The following HMCN1 variants were observed in gnomAD, a reference collection of about 807,000 sequenced individuals.
HMCN1 encodes the protein hemicentin-1.
In HMCN1, 321 loss-of-function variants were observed where a neutral mutation model predicts 625.9. The ratio of observed to expected loss-of-function variants is 0.51; its 90% CI spans 0.47 to 0.56. HMCN1 has a LOEUF of 0.56. Ranked by LOEUF, HMCN1 falls within the 20% of genes least tolerant of loss-of-function variation. The probability of loss-of-function intolerance (pLI) is 0.00; values close to 1 mark genes in which losing one functional copy is unlikely to be tolerated. For missense variants in HMCN1, 6,588 were observed against 6,887.3 expected (o/e 0.96, Z 1.54); for synonymous variants, 2,425 against 2,417.6 (o/e 1.00, Z -0.09).
chr1:185,840,996 A>T (rs759705167), intron 1 of HMCN1, among the ~76,000 whole-genome samples: 2 of 152,220 alleles, frequency 1.3e-5, no homozygotes, highest in Admixed American at 1.3e-4. Context: ...AGTAGCAGAA[A>T]TCTGTAAGTG....
chr1:186,148,866 T>C (rs575314295), intron 93 of HMCN1, among the ~76,000 whole-genome samples: 1 of 152,300 alleles, frequency 6.6e-6, no homozygotes, highest in Admixed American at 6.5e-5. Context: ...TTTATCTCCT[T>C]GTACATCTCC....
chr1:186,019,008 C>CT (rs1654546556), intron 34 of HMCN1, among the ~76,000 whole-genome samples: 1 of 152,064 alleles, frequency 6.6e-6, no homozygotes, highest in African/African-American at 2.4e-5. Context: ...CCCTCTGTCT[C>CT]TGCAGACTGC....
intron 18 of HMCN1, 120 bp downstream of exon 18, chr1:185,982,509 A>T: frequency 4.3e-5 from 38 of 889,426 alleles, no homozygotes; most frequent in Admixed American, 2.4e-4. Flanking sequence ...GGTGGGATCT[A>T]GGCTCACCGC....
At chr1:185,914,774 C>T (rs1423987729) in intron 6 of HMCN1, among the ~76,000 whole-genome samples, 1 of 150,166 alleles carries the variant, frequency 6.7e-6, no homozygotes, top group Non-Finnish European at 1.5e-5. Context: ...AATTTTTCTG[C>T]ACTTCCCTTT....
rs779945728 is a variant in HMCN1, at chr1:186,166,286, A to T, written c.15422A>T (p.Asp5141Val). The T allele has an allele frequency of 6.2e-7, 1 of 1,614,160 alleles. No homozygotes were observed. Among genetic ancestry groups the T allele is most frequent in the Admixed American group, 1.7e-5 (1 of 60,018 alleles). ...CCTAAAGGCCTCACCATAGCTGCAG[A>T]TGGAAGAACTTGTCAAGGTATTCAC... ...SCPKGLTIAA[D>V]GRTCQDIDEC... The change falls in exon 99 of 107, where the codon GAT becomes GTT. Residue 5141 changes from aspartate (D) to valine (V), a missense_variant. This residue lies in a region of HMCN1 where 1,954 missense variants were observed against 2,013.1 expected (regional missense o/e 0.97). Coordinates refer to ENST00000271588, the MANE Select transcript of HMCN1 (RefSeq NM_031935.3).
chr1:186,152,610 CT>C (rs1314300201), intron 95 of HMCN1, 139 bp from the exon 96 acceptor site: 38 of 949,422 alleles, frequency 4.0e-5, no homozygotes, highest in Non-Finnish European at 1.7e-5. Context: ...AGGTTAAGTG[CT>C]ATTTCAGTTC....
intron 69 of HMCN1, among the ~76,000 whole-genome samples, chr1:186,105,429 G>T (rs1558227213): frequency 6.6e-6 from 1 of 152,114 alleles, no homozygotes. Flanking sequence ...CTTATGCCTG[G>T]TACATTATGG....
At chr1:186,005,948 C>T (rs1571703727) in intron 29 of HMCN1, among the ~76,000 whole-genome samples, 1 of 152,008 alleles carries the variant, frequency 6.6e-6, no homozygotes, top group Non-Finnish European at 1.5e-5. Flanking sequence ...CCAGCTTGGC[C>T]AACATGGTGA....
intron 100 of HMCN1, among the ~76,000 whole-genome samples, chr1:186,170,680 A>G (rs968712196): frequency 2.6e-5 from 4 of 152,072 alleles, no homozygotes; most frequent in African/African-American, 7.2e-5. Context: ...AAATAGGGGG[A>G]CTTTTCTTCA....
At chr1:186,126,350 A>G (rs949872595) in intron 82 of HMCN1, among the ~76,000 whole-genome samples, 1 of 152,160 alleles carries the variant, frequency 6.6e-6, no homozygotes, top group African/African-American at 2.4e-5. Flanking sequence ...CACTGGGAAT[A>G]CATCAGGGAA....
intron 1 of HMCN1, among the ~76,000 whole-genome samples, chr1:185,779,032 G>T (rs1303326629): frequency 6.6e-6 from 1 of 152,186 alleles, no homozygotes; most frequent in African/African-American, 2.4e-5. Flanking sequence ...TTTAATGACT[G>T]CCATTCCAAC....
chr1:186,095,096 G>A, intron 67 of HMCN1, 147 bp from the exon 68 acceptor site: 1 of 746,990 alleles, frequency 1.3e-6, no homozygotes, highest in East Asian at 2.7e-5. Context: ...TATTTTTATT[G>A]TAAAGTCCTT....
At position 186,166,818 on chromosome 1, in the gene HMCN1, G is replaced by A. The variant is rs538514435; in HGVS notation, c.15450G>A (p.Glu5150=). The change falls in exon 100 of 107, where the codon GAG becomes GAA. Residue 5150 remains glutamate, a synonymous_variant. Transcript: ENST00000271588. The part of the protein sequence containing the change: ...ADGRTCQDID[E]CALGRHTCHA... ...TTCCCTCTGTTGCAGATATTGATGAGTGTGCTTTGGGTAGGCATACCTGCC... is the reference window on the plus strand; with the variant it reads ...TTCCCTCTGTTGCAGATATTGATGAATGTGCTTTGGGTAGGCATACCTGCC... 3.7e-6 allele frequency: 6 copies of A among 1,614,132 alleles called. No individual in the cohort carries two copies. The African/African-American group carries it at 6.7e-5, about 18-fold the overall frequency.
intron 4 of HMCN1, among the ~76,000 whole-genome samples, chr1:185,891,353 T>G (rs1406165548): frequency 1.4e-5 from 2 of 146,448 alleles, no homozygotes; most frequent in African/African-American, 5.5e-5. Flanking sequence ...ATCCTGTCAT[T>G]ATGATGTTAG....
intron 4 of HMCN1, among the ~76,000 whole-genome samples, chr1:185,885,955 T>A (rs1664618754): frequency 6.6e-6 from 1 of 152,068 alleles, no homozygotes; most frequent in Non-Finnish European, 1.5e-5. Context: ...CTCTTTACAA[T>A]TTTGTAGACA....
At chr1:186,144,096 G>A (rs920764152) in intron 89 of HMCN1, 77 bp from the exon 90 acceptor site, 14 of 1,362,428 alleles carry the variant, frequency 1.0e-5, no homozygotes, top group Admixed American at 9.2e-5. Flanking sequence ...TCATTACTGA[G>A]TTAATTTATT....
At chr1:186,118,283 G>A (rs1661230871) in intron 77 of HMCN1, among the ~76,000 whole-genome samples, 1 of 152,110 alleles carries the variant, frequency 6.6e-6, no homozygotes, top group African/African-American at 2.4e-5. Context: ...GGGACTTTAA[G>A]AGTATGTGCA....
chr1:186,013,979 G>C (rs72718880), intron 30 of HMCN1, among the ~76,000 whole-genome samples: 1,915 of 152,190 alleles, frequency 0.013, 18 homozygotes, highest in Middle Eastern at 0.041. Flanking sequence ...CCATTTCTAT[G>C]GGCTGGAATA....
chr1:186,077,316 G>C (rs957706356), intron 54 of HMCN1, among the ~76,000 whole-genome samples: 7 of 152,214 alleles, frequency 4.6e-5, no homozygotes, highest in African/African-American at 1.7e-4. Context: ...GGGGAAAATG[G>C]CTATAAAAAA....
Sources: gnomAD v4.1 joint callset for allele counts (sites outside exome capture counted in the v4.1 genomes callset) on GRCh38, gnomAD v4.1.1 for gene constraint, gnomAD v4.1.1 regional missense constraint, MANE v1.5 for transcripts, NCBI Gene and HGNC (gene_info 2026-07-23, HGNC 2026-07-21) for gene names.